MAPK6: variants seen among roughly 807,000 people sequenced by gnomAD.
The protein encoded by MAPK6 is mitogen-activated protein kinase 6.
A neutral mutation model predicts 59.3 loss-of-function variants in MAPK6; 19 were observed. That is an observed-to-expected ratio of 0.32 (90% CI 0.22 to 0.47). The LOEUF (loss-of-function observed/expected upper bound fraction) is 0.47. MAPK6 is among the 20% of genes least tolerant of loss of function. The pLI, the probability that MAPK6 is intolerant of heterozygous loss-of-function variation, is 1.00. For synonymous variants in MAPK6, 316 were observed against 290.3 expected, an observed-to-expected ratio of 1.09 and a Z score of -0.90; for missense variants, 724 against 847.9, an observed-to-expected ratio of 0.85 and a Z score of 1.81.
At position 52,046,425 on chromosome 15, in the gene MAPK6, A is replaced by C; in HGVS notation, c.-36A>C. On this transcript the variant is annotated 5_prime_UTR_variant, in exon 2 of 6. Transcript: ENST00000261845. ...TTTTCTTCCTTGTTTACACAAGTTCAATTTGAAAGGAAAAGGCAATAGTAA... is the reference window on the plus strand; with the variant it reads ...TTTTCTTCCTTGTTTACACAAGTTCCATTTGAAAGGAAAAGGCAATAGTAA... The C allele has an allele frequency of 6.7e-7, 1 of 1,483,074 alleles. No homozygotes were observed. The highest frequency in any genetic ancestry group is 1.3e-5 in the South Asian group (1 of 76,306). 91.9% of individuals were successfully genotyped at this position (1,483,074 alleles called of 1,614,324 possible).
intron 1 of MAPK6, among the ~76,000 whole-genome samples, chr15:52,041,166 G>C (rs1023922108): frequency 2.6e-5 from 4 of 152,048 alleles, no homozygotes; most frequent in African/African-American, 7.2e-5. Context: ...TTTTTTCCTG[G>C]GTCTAAGCTT....
At chr15:52,010,993 A>T (rs1462967359) in intron 3 of MAPK6, 2 of 152,194 alleles carry the variant, frequency 1.3e-5, no homozygotes, top group Non-Finnish European at 2.9e-5. Context: ...AACTATAGTC[A>T]GTCCTCATTA....
intron 1 of MAPK6, among the ~76,000 whole-genome samples, chr15:51,972,246 C>T (rs1040387003): frequency 4.6e-5 from 7 of 152,158 alleles, no homozygotes; most frequent in Non-Finnish European, 8.8e-5. Context: ...TCAAGCAATT[C>T]TAATTCCTCA....
At chr15:52,030,107 C>T (rs1263346998) in intron 1 of MAPK6, among the ~76,000 whole-genome samples, 1 of 152,130 alleles carries the variant, frequency 6.6e-6, no homozygotes, top group Non-Finnish European at 1.5e-5. Flanking sequence ...CAAGTTTTAT[C>T]CTGCCTTAGG....
In MAPK6 at chr15:52,065,100, T is replaced by G; in HGVS notation, c.*100T>G. 1.8e-6 allele frequency: 2 copies of G among 1,130,332 alleles called. No individual in the cohort carries two copies. Among genetic ancestry groups the G allele is most frequent in the Non-Finnish European group, 2.4e-6 (2 of 818,186 alleles). The allele number at this position is 1,130,332 out of a possible 1,614,324, so 70.0% of individuals were successfully genotyped here. A position where few individuals can be genotyped will look rare whatever the true frequency, so the allele number is the denominator to read the frequency against. On this transcript the variant is annotated 3_prime_UTR_variant, in exon 6 of 6. Transcript: ENST00000261845. Reference sequence around the variant, plus strand: ...CATTTTTTACTTGAATCAGATGGTGTCATTTAGTAAGGATTTTATGAGTTC... The same window carrying G: ...CATTTTTTACTTGAATCAGATGGTGGCATTTAGTAAGGATTTTATGAGTTC...
At chr15:52,024,260 C>T (rs562357610) in intron 1 of MAPK6, among the ~76,000 whole-genome samples, 15 of 152,236 alleles carry the variant, frequency 9.9e-5, no homozygotes, top group Non-Finnish European at 1.9e-4. Flanking sequence ...CTGAAGAGAT[C>T]TAAGATCTTG....
In MAPK6 at chr15:52,019,383, G is replaced by C. The variant is rs2030397992; in HGVS notation, c.-632+7G>C. ...GATGAGTCGGAGAAGTCCCGTGAGTGTGTGTGTGTACGTGTGCGGGGTGCG... is the reference window on the plus strand; with the variant it reads ...GATGAGTCGGAGAAGTCCCGTGAGTCTGTGTGTGTACGTGTGCGGGGTGCG... On this transcript the variant is annotated splice_region_variant and intron_variant, in intron 1 of 5. Transcript: ENST00000261845. 1 of 151,388 alleles carries C rather than the reference G, an allele frequency of 6.6e-6. No homozygotes were observed. Among genetic ancestry groups the C allele is most frequent in the African/African-American group, 2.4e-5 (1 of 41,250 alleles). The allele number at this position is 151,388 out of a possible 1,614,324, so 9.4% of individuals were successfully genotyped here. A position where few individuals can be genotyped will look rare whatever the true frequency, so the allele number is the denominator to read the frequency against.
intron 1 of MAPK6, among the ~76,000 whole-genome samples, chr15:51,976,799 C>T (rs113941571): frequency 0.057 from 8,615 of 151,348 alleles, 434 homozygotes; most frequent in Admixed American, 0.082. Context: ...AAAAATTAGC[C>T]GGGCTTGGCG....
At position 52,046,633 on chromosome 15, in the gene MAPK6, G is replaced by A. The variant is rs756361678; in HGVS notation, c.173G>A (p.Ser58Asn). ...AAAATTGTCCTTACTGATCCCCAGA[G>A]TGTCAAACATGCTCTACGTGAAATC... Reference protein sequence around the residue: ...IKKIVLTDPQSVKHALREIKI... With the variant: ...IKKIVLTDPQNVKHALREIKI... The change falls in exon 2 of 6, where the codon AGT (serine) becomes AAT (asparagine). Residue 58 changes from serine (S) to asparagine (N), a missense_variant. Transcript: ENST00000261845. The A allele has an allele frequency of 6.2e-7, 1 of 1,614,214 alleles. No individual in the cohort carries two copies. The highest frequency in any genetic ancestry group is 1.7e-5 in the Admixed American group (1 of 60,030).
In MAPK6 at chr15:52,058,655, G is replaced by A. The variant is rs1044057471; in HGVS notation, c.723G>A (p.Met241Ile). 2 of 1,610,156 alleles carry A rather than the reference G, an allele frequency of 1.2e-6. No individual in the cohort carries two copies. The highest frequency in any genetic ancestry group is 1.7e-6 in the Non-Finnish European group (2 of 1,178,032). The change falls in exon 4 of 6, where the codon ATG (methionine) becomes ATA (isoleucine). Residue 241 changes from methionine (M) to isoleucine (I), a missense_variant. This residue lies in a region of MAPK6 where 105 missense variants were observed against 191.9 expected (regional missense o/e 0.55). Transcript: ENST00000261845. Reference protein sequence around the residue: ...LFAGAHELEQMQLILESIPVV... With the variant: ...LFAGAHELEQIQLILESIPVV... ...CAGGTGCACATGAACTTGAACAGAT[G>A]CAGCTGATTTTAGAATCTATTCCTG...
rs552281462 is a variant in MAPK6 at position 52,054,415 on chromosome 15, A to C, written c.701-4218A>C. On this transcript the variant is annotated intron_variant, in intron 3 of 5. Transcript: ENST00000261845. ...GATTAACTTTTACACATTCTTTTGC[A>C]TGTGGACATCCTCTTGTCCTGGCAC... Among the ~76,000 whole-genome samples, 3 of 152,264 alleles carry C rather than the reference A, an allele frequency of 2.0e-5. No individual in the cohort carries two copies. In the South Asian group the frequency reaches 6.2e-4, roughly 32 times the overall value.
intron 1 of MAPK6, among the ~76,000 whole-genome samples, chr15:52,033,264 C>T (rs558265314): frequency 8.9e-4 from 136 of 152,214 alleles, no homozygotes; most frequent in African/African-American, 3.0e-3. Context: ...GTGTGTCTGT[C>T]AGGGTGTTGC....
chr15:51,980,538 T>A (rs2057169969), intron 1 of MAPK6, among the ~76,000 whole-genome samples: 1 of 148,414 alleles, frequency 6.7e-6, no homozygotes, highest in South Asian at 2.2e-4. Context: ...GGGCATCACA[T>A]TAGTTGCCTC....
At chr15:52,049,771 C>T (rs1390299303) in intron 2 of MAPK6, among the ~76,000 whole-genome samples, 3 of 151,964 alleles carry the variant, frequency 2.0e-5, no homozygotes, top group Non-Finnish European at 4.4e-5. Flanking sequence ...TGCACCACCA[C>T]ACCTGGCTAA....
intron 1 of MAPK6, among the ~76,000 whole-genome samples, chr15:52,044,031 C>T (rs567590998): frequency 6.6e-6 from 1 of 152,166 alleles, no homozygotes; most frequent in East Asian, 1.9e-4. Context: ...GCCTCGGCTT[C>T]CCAAAGTGTT....
At chr15:52,049,127 G>GT (rs1031706384) in intron 2 of MAPK6, among the ~76,000 whole-genome samples, 6 of 152,112 alleles carry the variant, frequency 3.9e-5, no homozygotes, top group Non-Finnish European at 8.8e-5. Flanking sequence ...TATGTGTAAG[G>GT]TTTTGTAAGG....
intron 1 of MAPK6, chr15:52,019,858 T>C (rs2030444878): frequency 6.6e-6 from 1 of 152,570 alleles, no homozygotes; most frequent in Non-Finnish European, 1.5e-5. Context: ...AGTCTCGCCT[T>C]ACTGGCACGC....
At position 52,064,978 on chromosome 15, in the gene MAPK6, G is replaced by A. The variant is rs967444012; in HGVS notation, c.2144G>A (p.Ser715Asn). The change falls in exon 6 of 6, where the codon AGC (serine) becomes AAC (asparagine). Residue 715 changes from serine to asparagine, a missense_variant. Around this residue, in one of 4 missense-constraint regions of MAPK6, gnomAD observed 502 missense variants for 507.6 expected, o/e 0.99. Coordinates refer to ENST00000261845, the MANE Select transcript of MAPK6 (RefSeq NM_002748.4). ...CAAATTCCTCATCAAACATACAGCA[G>A]CATTCTGAAACATCTGAACTAAAAC... ...SPQIPHQTYS[S>N]ILKHLN 6.2e-7 allele frequency: 1 copy of A among 1,608,512 alleles called. No individual in the cohort carries two copies. Among genetic ancestry groups the A allele is most frequent in the Admixed American group, 1.7e-5 (1 of 59,886 alleles).
rs756607646 is a variant in MAPK6, at chr15:52,064,697, G to A, written c.1863G>A (p.Lys621=). The part of the protein sequence containing the change: ...CEVRKDEQVE[K]ENTYTSYLDK... ...TAAGGAAGGATGAACAAGTTGAGAA[G>A]GAAAACACTTACACTAGTTACTTGG... is the stretch of plus-strand genomic sequence containing the variant. The change falls in exon 6 of 6, where the codon AAG becomes AAA. Residue 621 remains lysine (K), a synonymous_variant. Coordinates refer to ENST00000261845, the MANE Select transcript of MAPK6 (RefSeq NM_002748.4). 1.5e-5 allele frequency: 24 copies of A among 1,611,738 alleles called. No homozygotes were observed. Among genetic ancestry groups the A allele is most frequent in the Non-Finnish European group, 1.9e-5 (23 of 1,179,810 alleles).
Sources: allele counts gnomAD v4.1 joint callset (sites outside exome capture counted in the v4.1 genomes callset), GRCh38; gene constraint gnomAD v4.1.1; regional missense constraint gnomAD v4.1.1; transcripts MANE v1.5; gene names NCBI Gene and HGNC (gene_info 2026-07-23, HGNC 2026-07-21).